The following SEPTIN14 variants were observed in gnomAD, a reference collection of about 807,000 sequenced individuals.
The protein encoded by SEPTIN14 is septin-14.
Under a neutral mutation model 53.6 loss-of-function variants are expected in SEPTIN14, and 40 were observed. The observed-to-expected ratio is 0.75, with a 90% CI of 0.58 to 0.97. SEPTIN14 has a LOEUF of 0.97. Ranked by LOEUF, SEPTIN14 falls within the 50% of genes least tolerant of loss-of-function variation. The probability of loss-of-function intolerance (pLI) is 0.00; values close to 1 mark genes in which losing one functional copy is unlikely to be tolerated. For missense variants in SEPTIN14, 471 were observed against 508.2 expected, an observed-to-expected ratio of 0.93 and a Z score of 0.70; for synonymous variants, 138 against 166.8, an observed-to-expected ratio of 0.83 and a Z score of 1.33.
At chr7:55,846,731 T>C (rs1028667979) in intron 2 of SEPTIN14, 94 bp from the exon 3 acceptor site, 9 of 634,896 alleles carry the variant, frequency 1.4e-5, no homozygotes, top group African/African-American at 3.8e-5. Context: ...TAAATTAGAA[T>C]TGATTATCAT....
intron 2 of SEPTIN14, among the ~76,000 whole-genome samples, chr7:55,857,755 T>C (rs1789668373): frequency 6.6e-6 from 1 of 150,600 alleles, no homozygotes; most frequent in African/African-American, 2.4e-5. Flanking sequence ...GCCCGGCTAA[T>C]TTTTTGCATT....
intron 7 of SEPTIN14, among the ~76,000 whole-genome samples, chr7:55,815,732 C>T (rs1486672101): frequency 6.6e-6 from 1 of 152,132 alleles, no homozygotes; most frequent in Non-Finnish European, 1.5e-5. Context: ...AAAAGGAATC[C>T]TTGTACACTG....
At chr7:55,843,773 A>T (rs1431272412) in intron 4 of SEPTIN14, among the ~76,000 whole-genome samples, 1 of 152,218 alleles carries the variant, frequency 6.6e-6, no homozygotes, top group Non-Finnish European at 1.5e-5. Context: ...CAAAGCTTAC[A>T]GTGAGCCGAG....
chr7:55,843,238 G>A (rs1363440192), intron 4 of SEPTIN14, 110 bp from the exon 5 acceptor site: 3 of 567,278 alleles, frequency 5.3e-6, no homozygotes, highest in Non-Finnish European at 8.9e-6. Flanking sequence ...CTATAGTGAT[G>A]AAGAAAAAGT....
chr7:55,805,517 C>CCTG, intron 8 of SEPTIN14, 127 bp from the exon 9 acceptor site: 1 of 602,532 alleles, frequency 1.7e-6, no homozygotes, highest in South Asian at 2.1e-5. Flanking sequence ...CAGAGTAAGA[C>CCTG]TCCATCATAA....
chr7:55,819,290 T>G (rs1007185758), intron 6 of SEPTIN14, 67 bp from the exon 7 acceptor site: 2 of 1,168,274 alleles, frequency 1.7e-6, no homozygotes, highest in African/African-American at 3.1e-5. Flanking sequence ...TTACTCTCAT[T>G]CCTGTTATAA....
chr7:55,821,377 T>G (rs1254155286), intron 6 of SEPTIN14, among the ~76,000 whole-genome samples: 1 of 152,156 alleles, frequency 6.6e-6, no homozygotes, highest in Admixed American at 6.6e-5. Flanking sequence ...CCTGCCATTG[T>G]TTCCACCCAC....
At chr7:55,825,983 T>C (rs1033978718) in intron 6 of SEPTIN14, among the ~76,000 whole-genome samples, 1 of 151,842 alleles carries the variant, frequency 6.6e-6, no homozygotes. Flanking sequence ...GCGCCTGTAG[T>C]CCCAGCTACT....
chr7:55,807,166 G>T lies in SEPTIN14; in HGVS notation c.910C>A (p.His304Asn). The T allele has an allele frequency of 6.2e-7, 1 of 1,610,086 alleles. No homozygotes were observed. Among genetic ancestry groups the T allele is most frequent in the Non-Finnish European group, 8.5e-7 (1 of 1,178,086 alleles). ...TTTTGGTACCTATAACATTCATAGT[G>T]CTGAGTGTGGGTTTTTTCTTTTAGA... is the stretch of plus-strand genomic sequence containing the variant. ...ENLKEKTHTQ[H>N]YECYRYQKLQ... Residue 304 changes from histidine to asparagine, a missense_variant, in exon 8 of 10, where the codon CAC becomes AAC. Physicochemically the swap from His to Asn is moderately conservative, Grantham distance 68. Transcript: ENST00000388975.
chr7:55,846,688 C>T, intron 2 of SEPTIN14, 51 bp from the exon 3 acceptor site: 2 of 1,011,972 alleles, frequency 2.0e-6, no homozygotes, highest in Non-Finnish European at 3.0e-6. Context: ...AAAATGAAGT[C>T]ATTTGAAAGG....
intron 7 of SEPTIN14, among the ~76,000 whole-genome samples, chr7:55,818,209 T>C (rs182316450): frequency 0.015 from 2,301 of 152,172 alleles, 60 homozygotes; most frequent in African/African-American, 0.052. Flanking sequence ...CGGTGGCTCA[T>C]GCCTGTAATC....
At chr7:55,809,682 G>T (rs1351359756) in intron 7 of SEPTIN14, among the ~76,000 whole-genome samples, 3 of 148,758 alleles carry the variant, frequency 2.0e-5, no homozygotes, top group South Asian at 4.2e-4. Context: ...TCTCTGTGAT[G>T]AAATAATCTT....
chr7:55,835,327 C>A (rs986021331), intron 5 of SEPTIN14, among the ~76,000 whole-genome samples: 1 of 151,806 alleles, frequency 6.6e-6, no homozygotes, highest in African/African-American at 2.4e-5. Context: ...CTCAGCCTCC[C>A]GAGTAGCTGG....
intron 7 of SEPTIN14, among the ~76,000 whole-genome samples, chr7:55,812,452 T>C (rs1158624964): frequency 6.6e-6 from 1 of 151,956 alleles, no homozygotes. Flanking sequence ...GATGAGGAAA[T>C]GGAAAATATT....
chr7:55,832,800 T>C (rs1346528257), intron 6 of SEPTIN14, among the ~76,000 whole-genome samples: 2 of 152,010 alleles, frequency 1.3e-5, no homozygotes, highest in African/African-American at 4.8e-5. Context: ...TAGTGAGATG[T>C]GATCACGCCA....
intron 5 of SEPTIN14, among the ~76,000 whole-genome samples, chr7:55,839,533 T>C (rs1789269491): frequency 6.6e-6 from 1 of 152,104 alleles, no homozygotes; most frequent in Admixed American, 6.6e-5. Flanking sequence ...CTAACAATAA[T>C]AACTAATAAT....
Position 55,795,958 on chromosome 7 carries a change from A to T in SEPTIN14, c.1254T>A (p.Thr418=). The change falls in exon 10 of 10, where the codon ACT becomes ACA. Residue 418 remains threonine (T), a synonymous_variant. Transcript: ENST00000388975. ...CTTTCTTTGTATCGGTGCTCAGCTG[A>T]GTCTGCAGTGCTTCGGAGGCAGCTT... The part of the protein sequence containing the change: ...KMKAASEALQ[T]QLSTDTKKDK... 1 of 1,594,246 alleles carries T rather than the reference A, an allele frequency of 6.3e-7. No individual in the cohort carries two copies. The highest frequency in any genetic ancestry group is 8.5e-7 in the Non-Finnish European group (1 of 1,177,872).
Position 55,807,221 on chromosome 7 carries a change from T to G in SEPTIN14, c.855A>C (p.Arg285=). 6.3e-7 allele frequency: 1 copy of G among 1,595,852 alleles called. No homozygotes were observed. Among genetic ancestry groups the G allele is most frequent in the Non-Finnish European group, 8.5e-7 (1 of 1,174,858 alleles). ...NENHCDFVKL[R]DMLLCTNMEN... ...CCATATTGGTACAAAGAAGCATATC[T>G]CGGAGCTTAACGAAGTCACAGTGAT... The change falls in exon 8 of 10, where the codon CGA becomes CGC. Residue 285 remains arginine, a synonymous_variant. Transcript: ENST00000388975.
At chr7:55,813,705 C>T (rs1788745190) in intron 7 of SEPTIN14, among the ~76,000 whole-genome samples, 2 of 152,190 alleles carry the variant, frequency 1.3e-5, no homozygotes, top group Non-Finnish European at 2.9e-5. Flanking sequence ...ACTTGAGTAG[C>T]AGCTCAGCCA....
Sources: allele counts gnomAD v4.1 joint callset (sites outside exome capture counted in the v4.1 genomes callset), GRCh38; gene constraint gnomAD v4.1.1; transcripts MANE v1.5; gene names NCBI Gene and HGNC (gene_info 2026-07-23, HGNC 2026-07-21).